Variants in CGAS observed in about 807,000 individuals in gnomAD.
The protein encoded by CGAS is 2'3'-cGAMP synthase.
In CGAS, 31 loss-of-function variants were observed where a neutral mutation model predicts 34.0. That is an observed-to-expected ratio of 0.91 (90% confidence interval 0.69 to 1.23). The LOEUF (loss-of-function observed/expected upper bound fraction) is 1.23, where lower values mean the gene tolerates loss of function less well. CGAS is among the 50% of genes most tolerant of loss of function. CGAS has a pLI of 0.00. For synonymous variants in CGAS, 266 were observed against 260.0 expected, an observed-to-expected ratio of 1.02 and a Z score of -0.22; for missense variants, 597 against 657.6, an observed-to-expected ratio of 0.91 and a Z score of 1.01.
chr6:73,440,316 T>C lies in CGAS; in HGVS notation c.1007A>G (p.Glu336Gly), dbSNP rs375604720. 3.7e-6 allele frequency: 6 copies of C among 1,614,102 alleles called. No homozygotes were observed. The highest frequency in any genetic ancestry group is 1.7e-6 in the Non-Finnish European group (2 of 1,180,050). The stretch of plus-strand genomic sequence containing the variant: ...AAGCCAGTTTTGAATGCGCAGGCCT[T>C]CTTGGGTGCTAGCAGGCCAGCTACT... Reference protein sequence around the residue: ...SKSSWPASTQEGLRIQNWLSA... With the variant: ...SKSSWPASTQGGLRIQNWLSA... The change falls in exon 3 of 5, where the codon GAA becomes GGA. Residue 336 changes from glutamate to glycine, a missense_variant. Physicochemically the swap from Glu to Gly is moderately conservative, Grantham distance 98. Transcript: ENST00000370315.
chr6:73,440,266 G>A lies in CGAS; in HGVS notation c.1057C>T (p.Arg353Ter), dbSNP rs749518819. 13 of 1,614,012 alleles carry A rather than the reference G, an allele frequency of 8.1e-6. No homozygotes were observed. The Admixed American group carries it at 1.2e-4, about 14-fold the overall frequency. The change falls in exon 3 of 5, where the codon CGA (arginine) becomes TGA (stop). Residue 353 changes from arginine (R) to a stop codon, truncating the protein, a stop_gained. Coordinates refer to ENST00000370315, the MANE Select transcript of CGAS (RefSeq NM_138441.3). LOFTEE classifies it high-confidence loss of function. ...GGTACAAGGTAAAATGGCTTTAGTC[G>A]TAGTTGCTTCCTAACTTTTGCTGAA... is the stretch of plus-strand genomic sequence containing the variant. ...WLSAKVRKQL[R>*]LKPFYLVPKH...
intron 2 of CGAS, 59 bp downstream of exon 2, chr6:73,445,469 T>C: frequency 8.1e-7 from 1 of 1,228,344 alleles, no homozygotes. Flanking sequence ...AATGGGAGTG[T>C]ACATTGGCAA....
chr6:73,429,691 T>G (rs1207265907), intron 3 of CGAS, among the ~76,000 whole-genome samples: 8 of 151,958 alleles, frequency 5.3e-5, no homozygotes, highest in Admixed American at 1.3e-4. Context: ...CCGGGCGTGG[T>G]GGCGGGCGCC....
chr6:73,436,638 T>G (rs1770284959), intron 3 of CGAS, among the ~76,000 whole-genome samples: 1 of 151,912 alleles, frequency 6.6e-6, no homozygotes, highest in South Asian at 2.1e-4. Flanking sequence ...TCCCCTGACA[T>G]CAGCCTCTTG....
intron 1 of CGAS, among the ~76,000 whole-genome samples, chr6:73,448,945 CA>C (rs1474186119): frequency 6.6e-6 from 1 of 151,630 alleles, no homozygotes; most frequent in Non-Finnish European, 1.5e-5. Flanking sequence ...CAAAATTAGC[CA>C]GGTGAGGTGA....
In CGAS at chr6:73,425,397, A is replaced by C. The variant is rs551846495; in HGVS notation, c.1399T>G (p.Cys467Gly). The change falls in exon 5 of 5, where the codon TGC becomes GGC. Residue 467 changes from cysteine to glycine, a missense_variant. Physicochemically the swap from Cys to Gly is radical, Grantham distance 159. Around this residue, in one of 3 missense-constraint regions of CGAS, gnomAD observed 271 missense variants for 324.1 expected, o/e 0.84. Coordinates refer to ENST00000370315, the MANE Select transcript of CGAS (RefSeq NM_138441.3). ...RKDLGLCFDN[C>G]VTYFLQCLRT... is the part of the protein sequence containing the mutation. Reference sequence around the variant, plus strand: ...AGGCACTGAAGAAAGTATGTCACGCAGTTATCAAAGCAGAGGCCCAGGTCT... The same window carrying C: ...AGGCACTGAAGAAAGTATGTCACGCCGTTATCAAAGCAGAGGCCCAGGTCT... 2 of 1,613,922 alleles carry C rather than the reference A, an allele frequency of 1.2e-6. No homozygotes were observed. The highest frequency in any genetic ancestry group is 2.7e-5 in the African/African-American group (2 of 75,026).
Position 73,451,878 on chromosome 6 carries a change from C to A in CGAS, c.304G>T (p.Ala102Ser), listed in dbSNP as rs943276786. 4.5e-6 allele frequency: 7 copies of A among 1,540,022 alleles called. No homozygotes were observed. In the East Asian group the frequency reaches 1.7e-4, roughly 38 times the overall value. Residue 102 changes from alanine to serine, a missense_variant, in exon 1 of 5, where the codon GCA (alanine) becomes TCA (serine). Physicochemically the swap from Ala to Ser is moderately conservative, Grantham distance 99. This residue lies in a region of CGAS where 321 missense variants were observed against 314.3 expected (regional missense o/e 1.02). Coordinates refer to ENST00000370315, the MANE Select transcript of CGAS (RefSeq NM_138441.3). ...GCCGCAGGAGGCTCCAGCCCCTCTGCCCCAGGGGCGCTGGTGGCGTCAGAC... is the reference window on the plus strand; with the variant it reads ...GCCGCAGGAGGCTCCAGCCCCTCTGACCCAGGGGCGCTGGTGGCGTCAGAC... Reference protein sequence around the residue: ...QPSDATSAPGAEGLEPPAARE... With the variant: ...QPSDATSAPGSEGLEPPAARE...
chr6:73,434,634 G>T (rs922157836), intron 3 of CGAS, among the ~76,000 whole-genome samples: 3 of 151,866 alleles, frequency 2.0e-5, no homozygotes, highest in African/African-American at 7.3e-5. Flanking sequence ...GAAAAACTAA[G>T]GAAATCTGGA....
chr6:73,436,111 C>T (rs1314080718), intron 3 of CGAS, among the ~76,000 whole-genome samples: 1 of 151,740 alleles, frequency 6.6e-6, no homozygotes, highest in Non-Finnish European at 1.5e-5. Context: ...CCCAGGAGTT[C>T]AGCTCCAAGA....
chr6:73,447,208 T>C lies in CGAS; in HGVS notation c.658-1461A>G, dbSNP rs112461535. On this transcript the variant is annotated intron_variant, in intron 1 of 4. Transcript: ENST00000370315. ...CTTCCTCTTCAAATTTACCCAGTTA[T>C]GTTTTTAAGTTTTGAATATCTTTAG... is the stretch of plus-strand genomic sequence containing the variant. 1.4e-3 allele frequency among the ~76,000 whole-genome samples: 206 copies of C among 152,334 alleles called. 1 individual carries two copies. The highest frequency in any genetic ancestry group is 4.5e-3 in the African/African-American group (189 of 41,582).
intron 2 of CGAS, among the ~76,000 whole-genome samples, chr6:73,442,470 G>C (rs1770394077): frequency 6.6e-6 from 1 of 150,398 alleles, no homozygotes; most frequent in Admixed American, 6.7e-5. Flanking sequence ...GCGTGAACAT[G>C]GCTCACTGCA....
intron 3 of CGAS, among the ~76,000 whole-genome samples, chr6:73,432,965 T>C (rs906597242): frequency 5.9e-5 from 9 of 151,980 alleles, no homozygotes; most frequent in Non-Finnish European, 1.0e-4. Context: ...GCACCTGTAA[T>C]CCCAGCTACT....
At chr6:73,451,470 C>T (rs373246316) in intron 1 of CGAS, 55 bp downstream of exon 1, 16 of 1,497,522 alleles carry the variant, frequency 1.1e-5, no homozygotes, top group Admixed American at 4.4e-5. Flanking sequence ...GTAGGGACTG[C>T]GGATTGCGGA....
intron 3 of CGAS, among the ~76,000 whole-genome samples, chr6:73,432,557 A>C (rs1246318341): frequency 1.3e-5 from 2 of 152,080 alleles, no homozygotes; most frequent in African/African-American, 2.4e-5. Flanking sequence ...TCCTAGACTC[A>C]AGTGATTCTC....
Position 73,425,377 on chromosome 6 carries a change from C to T in CGAS, c.1419G>A (p.Gln473=). 6.2e-7 allele frequency: 1 copy of T among 1,613,178 alleles called. No homozygotes were observed. The highest frequency in any genetic ancestry group is 8.5e-7 in the Non-Finnish European group (1 of 1,179,866). Residue 473 remains glutamine (Q), a synonymous_variant, in exon 5 of 5, where the codon CAG becomes CAA. Coordinates refer to ENST00000370315, the MANE Select transcript of CGAS (RefSeq NM_138441.3). Reference sequence around the variant, plus strand: ...TCTCAAGTTTTTCTGTCCTGAGGCACTGAAGAAAGTATGTCACGCAGTTAT... The same window carrying T: ...TCTCAAGTTTTTCTGTCCTGAGGCATTGAAGAAAGTATGTCACGCAGTTAT... ...CFDNCVTYFL[Q]CLRTEKLENY...
chr6:73,430,339 G>T (rs1044767957), intron 3 of CGAS, among the ~76,000 whole-genome samples: 6 of 152,082 alleles, frequency 3.9e-5, no homozygotes, highest in Non-Finnish European at 8.8e-5. Context: ...AAATACAAAA[G>T]AATCTACAAT....
chr6:73,428,156 C>T (rs1298708704), intron 4 of CGAS, among the ~76,000 whole-genome samples: 2 of 150,436 alleles, frequency 1.3e-5, no homozygotes, highest in African/African-American at 2.4e-5. Context: ...CCCAGGAGAT[C>T]GAGGCTGTGG....
chr6:73,429,774 G>C (rs311670), intron 3 of CGAS, among the ~76,000 whole-genome samples: 34,357 of 151,880 alleles, frequency 0.23, 4,317 homozygotes, highest in East Asian at 0.32. Flanking sequence ...TGCAGTGAGC[G>C]GAGATCGCGC....
chr6:73,451,266 A>G (rs995878365), intron 1 of CGAS, among the ~76,000 whole-genome samples: 5 of 152,184 alleles, frequency 3.3e-5, no homozygotes, highest in Non-Finnish European at 7.3e-5. Flanking sequence ...TGCATGAATG[A>G]ACCCATACAT....
Sources: allele counts gnomAD v4.1 joint callset (sites outside exome capture counted in the v4.1 genomes callset), GRCh38; gene constraint gnomAD v4.1.1; regional missense constraint gnomAD v4.1.1; transcripts MANE v1.5; gene names NCBI Gene and HGNC (gene_info 2026-07-23, HGNC 2026-07-21).